Variants in SOS2 observed in about 807,000 individuals in gnomAD.
The protein encoded by SOS2 is SOS Ras/Rho guanine nucleotide exchange factor 2.
Under a neutral mutation model 148.2 loss-of-function variants are expected in SOS2, and 65 were observed. The ratio of observed to expected loss-of-function variants is 0.44; its 90% CI spans 0.36 to 0.54. The LOEUF is 0.54. Among genes scored for constraint, SOS2 ranks in the 20% least tolerant of loss-of-function variants. SOS2 has a pLI of 0.00. For synonymous variants in SOS2, 539 were observed against 537.1 expected, an observed-to-expected ratio of 1.00 and a Z score of -0.05; for missense variants, 1,341 against 1,590.2, an observed-to-expected ratio of 0.84 and a Z score of 2.67.
chr14:50,172,916 C>T (rs1885414225), intron 8 of SOS2, among the ~76,000 whole-genome samples: 1 of 152,184 alleles, frequency 6.6e-6, no homozygotes, highest in Non-Finnish European at 1.5e-5. Flanking sequence ...CTGACTCTAG[C>T]TAACATCTAA....
At chr14:50,223,414 C>T (rs1887255906) in intron 1 of SOS2, among the ~76,000 whole-genome samples, 2 of 152,072 alleles carry the variant, frequency 1.3e-5, no homozygotes, top group South Asian at 4.1e-4. Context: ...GTGGCTCATC[C>T]CTGTAATCCC....
intron 1 of SOS2, among the ~76,000 whole-genome samples, chr14:50,224,373 A>AT (rs1196669464): frequency 6.8e-6 from 1 of 147,936 alleles, no homozygotes. Flanking sequence ...ACATATATAT[A>AT]AATGGGCTCT....
intron 10 of SOS2, 45 bp downstream of exon 10, chr14:50,159,386 T>C (rs1884926150): frequency 7.5e-7 from 1 of 1,328,352 alleles, no homozygotes; most frequent in East Asian, 2.3e-5. Flanking sequence ...AAAAAGCTTT[T>C]GGGTCCCAGG....
chr14:50,185,714 G>C (rs953096534), intron 5 of SOS2, among the ~76,000 whole-genome samples: 1 of 150,174 alleles, frequency 6.7e-6, no homozygotes, highest in Non-Finnish European at 1.5e-5. Context: ...AAAAAGATTA[G>C]AGAGGAAAAA....
At chr14:50,172,005 A>T (rs1192400831) in intron 8 of SOS2, among the ~76,000 whole-genome samples, 1 of 152,226 alleles carries the variant, frequency 6.6e-6, no homozygotes, top group African/African-American at 2.4e-5. Flanking sequence ...GCCTAGTCAG[A>T]CAGTATACAT....
intron 16 of SOS2, among the ~76,000 whole-genome samples, chr14:50,142,197 G>A (rs1407279876): frequency 1.3e-5 from 2 of 151,608 alleles, no homozygotes; most frequent in African/African-American, 2.4e-5. Context: ...TAGTAAAGAC[G>A]GGGTTTCATC....
intron 2 of SOS2, among the ~76,000 whole-genome samples, chr14:50,203,167 C>CA (rs1886548219): frequency 4.0e-5 from 6 of 151,436 alleles, no homozygotes; most frequent in Non-Finnish European, 5.9e-5. Flanking sequence ...AAACAAATTT[C>CA]AAAAAAAAAG....
rs757139228 is a variant in SOS2, at chr14:50,201,025, T to C, written c.273A>G (p.Gln91=). Residue 91 remains glutamine (Q), a synonymous_variant, in exon 3 of 23, where the codon CAA becomes CAG. Transcript: ENST00000216373. ...TTCGTTTTCGTTTTTCTATAGCAGATTGTGCATCAGCAATGGCCCATTTAT... is the reference window on the plus strand; with the variant it reads ...TTCGTTTTCGTTTTTCTATAGCAGACTGTGCATCAGCAATGGCCCATTTAT... The part of the protein sequence containing the change: ...PIDKWAIADA[Q]SAIEKRKRRN... 3.1e-6 allele frequency: 5 copies of C among 1,613,870 alleles called. No homozygotes were observed. Among genetic ancestry groups the C allele is most frequent in the Admixed American group, 1.7e-5 (1 of 59,992 alleles).
intron 13 of SOS2, among the ~76,000 whole-genome samples, chr14:50,152,419 TAAAG>T (rs1230900567): frequency 3.9e-5 from 6 of 152,024 alleles, no homozygotes; most frequent in African/African-American, 1.2e-4. Flanking sequence ...AGAATAAGAT[TAAAG>T]AAAGAAAACA....
In SOS2 at chr14:50,231,147, G is replaced by A. The variant is rs1184271540; in HGVS notation, c.87+50C>T. 6 of 1,158,838 alleles carry A rather than the reference G, an allele frequency of 5.2e-6. No individual in the cohort carries two copies. In the Admixed American group the frequency reaches 1.1e-4, roughly 22 times the overall value. 71.8% of individuals were successfully genotyped at this position (1,158,838 alleles called of 1,614,324 possible). A position where few individuals can be genotyped will look rare whatever the true frequency, so the allele number is the denominator to read the frequency against. Reference sequence around the variant, plus strand: ...AGGGACGACCTGCTCCCCGTTAGAAGCTCGGGGGGCCACGGGCCACCCGCC... The same window carrying A: ...AGGGACGACCTGCTCCCCGTTAGAAACTCGGGGGGCCACGGGCCACCCGCC... On this transcript the variant is annotated intron_variant, in intron 1 of 22. Transcript: ENST00000216373.
rs763036058 is a variant in SOS2 at position 50,180,715 on chromosome 14, T to A, written c.859-33A>T. The A allele has an allele frequency of 7.4e-6, 9 of 1,214,258 alleles. No homozygotes were observed. In the East Asian group the frequency reaches 1.4e-4, roughly 19 times the overall value. The allele number at this position is 1,214,258 out of a possible 1,614,324, so 75.2% of individuals were successfully genotyped here. A position where few individuals can be genotyped will look rare whatever the true frequency, so the allele number is the denominator to read the frequency against. On this transcript the variant is annotated intron_variant, in intron 6 of 22. Coordinates refer to ENST00000216373, the MANE Select transcript of SOS2 (RefSeq NM_006939.4). Reference sequence around the variant, plus strand: ...TTTAAAAAGAGAAAAAGCATTAGGTTTAAAAGAATATATTTTCTACCAATA... The same window carrying A: ...TTTAAAAAGAGAAAAAGCATTAGGTATAAAAGAATATATTTTCTACCAATA...
intron 19 of SOS2, among the ~76,000 whole-genome samples, chr14:50,132,299 T>C (rs913863614): frequency 9.4e-5 from 14 of 148,576 alleles, no homozygotes; most frequent in Non-Finnish European, 1.8e-4. Flanking sequence ...GGAGGATCAT[T>C]TAAGGCCAGG....
chr14:50,215,128 G>A (rs1391677461), intron 1 of SOS2, among the ~76,000 whole-genome samples: 22 of 151,830 alleles, frequency 1.4e-4, no homozygotes, highest in Admixed American at 1.3e-3. Flanking sequence ...GAGCCACCGC[G>A]CCCGGCAAGG....
intron 1 of SOS2, among the ~76,000 whole-genome samples, chr14:50,209,274 C>CGTGTGTGTGTGTGTGTGTGTGTGT (rs140994310): frequency 0.019 from 2,204 of 118,284 alleles, 175 homozygotes; most frequent in Non-Finnish European, 0.026. Context: ...CCTTAAATGT[C>CGTGTGTGTGTGTGTGTGTGTGTGT]GTGTGTGTGT....
rs147321526 is a variant in SOS2 at position 50,220,129 on chromosome 14, G to A, written c.87+11068C>T. ...ACAGACCCTGCATTGGGCCAGGCGC[G>A]GTGGCTCACGCCTGTAATCCCAGCA... On this transcript the variant is annotated intron_variant, in intron 1 of 22. Transcript: ENST00000216373. 1.9e-4 allele frequency among the ~76,000 whole-genome samples: 28 copies of A among 150,272 alleles called. No individual in the cohort carries two copies. The East Asian group carries it at 3.5e-3, about 19-fold the overall frequency.
At chr14:50,123,851 T>G (rs1883602374) in intron 21 of SOS2, among the ~76,000 whole-genome samples, 1 of 152,032 alleles carries the variant, frequency 6.6e-6, no homozygotes, top group Non-Finnish European at 1.5e-5. Flanking sequence ...GTGGCAGCAG[T>G]GGAGATGGCA....
At chr14:50,169,888 C>T (rs1885304654) in intron 8 of SOS2, among the ~76,000 whole-genome samples, 1 of 151,808 alleles carries the variant, frequency 6.6e-6, no homozygotes, top group Non-Finnish European at 1.5e-5. Context: ...TGATCACAAA[C>T]TACTGTTTTC....
chr14:50,148,267 G>A (rs557505222), intron 14 of SOS2, among the ~76,000 whole-genome samples: 36 of 151,702 alleles, frequency 2.4e-4, no homozygotes, highest in African/African-American at 8.0e-4. Flanking sequence ...TAAAAAAGCC[G>A]GGCATGGTGG....
At chr14:50,132,354 TAAA>T (rs886376742) in intron 19 of SOS2, among the ~76,000 whole-genome samples, 14 of 62,982 alleles carry the variant, frequency 2.2e-4, no homozygotes, top group African/African-American at 4.0e-4. Flanking sequence ...CTATTGCCAT[TAAA>T]AAAAAAAAAA....
Sources: allele counts gnomAD v4.1 joint callset (sites outside exome capture counted in the v4.1 genomes callset), GRCh38; gene constraint gnomAD v4.1.1; transcripts MANE v1.5; gene names NCBI Gene and HGNC (gene_info 2026-07-23, HGNC 2026-07-21).